Variants in ITGB1 observed in about 807,000 individuals in gnomAD.
ITGB1 encodes integrin subunit beta 1, also known as integrin beta-1.
A neutral mutation model predicts 86.5 loss-of-function variants in ITGB1; 24 were observed. That is an observed-to-expected ratio of 0.28 (90% confidence interval 0.20 to 0.39). The LOEUF is 0.39. Ranked by LOEUF, ITGB1 falls within the 10% of genes least tolerant of loss-of-function variation. The pLI is 1.00. For missense variants in ITGB1, 556 were observed against 946.9 expected (o/e 0.59, Z 5.42); for synonymous variants, 323 against 316.8 (o/e 1.02, Z -0.21).
At position 32,911,430 on chromosome 10, in the gene ITGB1, C is replaced by A. The variant is rs1178283528; in HGVS notation, c.1931+18G>T. The stretch of plus-strand genomic sequence containing the variant: ...AAGAGGAAGTATCAACTATTTCAAG[C>A]AATTAGGAAATACTTACTTATGCTC... On this transcript the variant is annotated intron_variant, in intron 13 of 15. Coordinates refer to ENST00000302278, the MANE Select transcript of ITGB1 (RefSeq NM_002211.4). The A allele has an allele frequency of 6.2e-7, 1 of 1,601,244 alleles. No homozygotes were observed.
Position 32,910,408 on chromosome 10 carries a change from G to A in ITGB1, c.1979C>T (p.Thr660Ile). Reference protein sequence around the residue: ...RAFNKGEKKDTCTQECSYFNI... With the variant: ...RAFNKGEKKDICTQECSYFNI... ...AAAATAGGAACATTCCTGTGTGCAT[G>A]TGTCTTTCTTTTCTCCTTTATTGAA... is the stretch of plus-strand genomic sequence containing the variant. Residue 660 changes from threonine to isoleucine, a missense_variant, in exon 14 of 16, where the codon ACA (threonine) becomes ATA (isoleucine). Physicochemically the swap from Thr to Ile is moderately conservative, Grantham distance 89. This residue lies in a region of ITGB1 where 330 missense variants were observed against 531.5 expected (regional missense o/e 0.62). Coordinates refer to ENST00000302278, the MANE Select transcript of ITGB1 (RefSeq NM_002211.4). The A allele has an allele frequency of 6.2e-7, 1 of 1,602,380 alleles. No homozygotes were observed. The highest frequency in any genetic ancestry group is 8.5e-7 in the Non-Finnish European group (1 of 1,172,024).
intron 1 of ITGB1, among the ~76,000 whole-genome samples, chr10:32,955,087 T>C (rs1373317095): frequency 6.6e-6 from 1 of 152,168 alleles, no homozygotes; most frequent in African/African-American, 2.4e-5. Context: ...TACCATAATA[T>C]CTTTTCAGTT....
intron 1 of ITGB1, among the ~76,000 whole-genome samples, chr10:32,949,738 G>A (rs1031036476): frequency 1.3e-5 from 2 of 152,078 alleles, no homozygotes; most frequent in African/African-American, 4.8e-5. Flanking sequence ...AATCTTCACT[G>A]TAAACTAATC....
chr10:32,901,442 T>C lies in ITGB1; in HGVS notation c.*128A>G. ...AAATAATAAAACATTTTAAAAATTA[T>C]ACATATTGTACATTTTCAAAACCTG... is the stretch of plus-strand genomic sequence containing the variant. On this transcript the variant is annotated 3_prime_UTR_variant, in exon 16 of 16. Transcript: ENST00000302278. 1.7e-6 allele frequency: 1 copy of C among 586,076 alleles called. No homozygotes were observed. The highest frequency in any genetic ancestry group is 3.0e-6 in the Non-Finnish European group (1 of 334,792). The allele number at this position is 586,076 out of a possible 1,614,324, so 36.3% of individuals were successfully genotyped here.
intron 1 of ITGB1, among the ~76,000 whole-genome samples, chr10:32,938,872 C>T (rs1004256640): frequency 6.6e-6 from 1 of 152,132 alleles, no homozygotes; most frequent in Non-Finnish European, 1.5e-5. Context: ...GGAGAGGAGA[C>T]CACAGTTAGA....
At chr10:32,910,175 A>G (rs1363116299) in intron 14 of ITGB1, 48 bp downstream of exon 14, 3 of 1,391,152 alleles carry the variant, frequency 2.2e-6, no homozygotes, top group Non-Finnish European at 3.0e-6. Flanking sequence ...AAGCAGAAAC[A>G]AGACATACAA....
intron 1 of ITGB1, among the ~76,000 whole-genome samples, chr10:32,942,307 C>T (rs2095020282): frequency 6.6e-6 from 1 of 151,960 alleles, no homozygotes; most frequent in Non-Finnish European, 1.5e-5. Flanking sequence ...AGGAAGAACT[C>T]CTAGGAAAAG....
chr10:32,911,377 C>G, intron 13 of ITGB1, 71 bp downstream of exon 13: 1 of 1,321,588 alleles, frequency 7.6e-7, no homozygotes, highest in East Asian at 2.3e-5. Flanking sequence ...TGTTCTGGTT[C>G]TAGAAACAAT....
chr10:32,954,038 C>T (rs1056231244), intron 1 of ITGB1, among the ~76,000 whole-genome samples: 3 of 152,138 alleles, frequency 2.0e-5, no homozygotes, highest in Non-Finnish European at 4.4e-5. Flanking sequence ...TCCTTCAGCC[C>T]GTTTTTCACT....
At chr10:32,911,715 T>C in intron 12 of ITGB1, 45 bp from the exon 13 acceptor site, 2 of 1,590,092 alleles carry the variant, frequency 1.3e-6, no homozygotes, top group Non-Finnish European at 1.7e-6. Context: ...AAATATACAA[T>C]CACAGTATTG....
chr10:32,934,002 C>T (rs576509068), intron 2 of ITGB1, among the ~76,000 whole-genome samples: 5 of 152,284 alleles, frequency 3.3e-5, no homozygotes, highest in Non-Finnish European at 5.9e-5. Context: ...CACATATACA[C>T]ATACTGTACT....
chr10:32,931,785 A>T (rs554710574), intron 3 of ITGB1, among the ~76,000 whole-genome samples: 1 of 152,178 alleles, frequency 6.6e-6, no homozygotes, highest in African/African-American at 2.4e-5. Flanking sequence ...TGATCTTCTG[A>T]TATTAGTTAT....
intron 1 of ITGB1, among the ~76,000 whole-genome samples, chr10:32,942,937 G>A (rs1221765560): frequency 6.6e-6 from 1 of 152,088 alleles, no homozygotes; most frequent in Non-Finnish European, 1.5e-5. Context: ...GGGGCCATGA[G>A]TCCAGGAGTT....
intron 11 of ITGB1, among the ~76,000 whole-genome samples, chr10:32,919,511 C>T (rs773696794): frequency 7.9e-5 from 12 of 152,168 alleles, no homozygotes; most frequent in Non-Finnish European, 1.5e-4. Flanking sequence ...CAGACGAAAT[C>T]GCCATCATCG....
intron 1 of ITGB1, among the ~76,000 whole-genome samples, chr10:32,938,483 G>A (rs2095009583): frequency 6.6e-6 from 1 of 152,174 alleles, no homozygotes; most frequent in South Asian, 2.1e-4. Context: ...AAGTTATTAG[G>A]TAACAGAAAA....
At chr10:32,918,962 C>T (rs2094940460) in intron 11 of ITGB1, among the ~76,000 whole-genome samples, 1 of 152,164 alleles carries the variant, frequency 6.6e-6, no homozygotes, top group Admixed American at 6.5e-5. Context: ...TGGACACTGA[C>T]TGCACTGATT....
At chr10:32,927,124 T>C (rs2094967530) in intron 5 of ITGB1, among the ~76,000 whole-genome samples, 1 of 152,210 alleles carries the variant, frequency 6.6e-6, no homozygotes, top group Non-Finnish European at 1.5e-5. Context: ...TAAAAAACAC[T>C]AATTTGATAG....
At chr10:32,955,898 T>G (rs1465206339) in intron 1 of ITGB1, among the ~76,000 whole-genome samples, 1 of 152,202 alleles carries the variant, frequency 6.6e-6, no homozygotes, top group Non-Finnish European at 1.5e-5. Flanking sequence ...AATATAGAAC[T>G]TTACATTAAG....
intron 11 of ITGB1, among the ~76,000 whole-genome samples, chr10:32,916,943 A>C (rs1398153959): frequency 6.6e-6 from 1 of 152,036 alleles, no homozygotes; most frequent in Non-Finnish European, 1.5e-5. Context: ...TTCAAACTAT[A>C]CTACAAGGCT....
Sources: gnomAD v4.1 joint callset for allele counts (sites outside exome capture counted in the v4.1 genomes callset) on GRCh38, gnomAD v4.1.1 for gene constraint, gnomAD v4.1.1 regional missense constraint, MANE v1.5 for transcripts, NCBI Gene and HGNC (gene_info 2026-07-23, HGNC 2026-07-21) for gene names.